SLC8A1: variants seen among roughly 807,000 people sequenced by gnomAD.
SLC8A1 encodes sodium/calcium exchanger 1.
Under a neutral mutation model 68.3 loss-of-function variants are expected in SLC8A1, and 18 were observed. That is an observed-to-expected ratio of 0.26 (90% CI 0.18 to 0.39). SLC8A1 has a LOEUF of 0.39. SLC8A1 is among the 10% of genes least tolerant of loss of function. The probability of loss-of-function intolerance (pLI) is 1.00; values close to 1 mark genes in which losing one functional copy is unlikely to be tolerated. For synonymous variants in SLC8A1, 475 were observed against 415.5 expected, an observed-to-expected ratio of 1.14 and a Z score of -1.74; for missense variants, 985 against 1,156.7, an observed-to-expected ratio of 0.85 and a Z score of 2.15.
chr2:40,268,109 A>T (rs1432812302), intron 2 of SLC8A1, among the ~76,000 whole-genome samples: 1 of 152,200 alleles, frequency 6.6e-6, no homozygotes, highest in Non-Finnish European at 1.5e-5. Context: ...AGTAATCAAA[A>T]GTTAGGAGAT....
chr2:40,292,259 T>C (rs573948453), intron 2 of SLC8A1, among the ~76,000 whole-genome samples: 43 of 152,240 alleles, frequency 2.8e-4, no homozygotes, highest in Non-Finnish European at 3.8e-4. Context: ...CTGATGCTAA[T>C]GTACACAAGA....
chr2:40,332,394 TG>T (rs2076504417), intron 2 of SLC8A1, among the ~76,000 whole-genome samples: 1 of 140,328 alleles, frequency 7.1e-6, no homozygotes, highest in Non-Finnish European at 1.5e-5. Context: ...AACAGTCAAA[TG>T]ATATCCTCTT....
At chr2:40,485,724 G>C (rs1464097821) in intron 1 of SLC8A1, among the ~76,000 whole-genome samples, 3 of 152,052 alleles carry the variant, frequency 2.0e-5, no homozygotes, top group Non-Finnish European at 4.4e-5. Flanking sequence ...CCACTTCAAA[G>C]AAATCCTCAA....
chr2:40,175,121 A>G (rs1175520742), intron 3 of SLC8A1, 140 bp downstream of exon 4: 1 of 864,794 alleles, frequency 1.2e-6, no homozygotes, highest in Non-Finnish European at 1.8e-6. Flanking sequence ...TGACCTTGAC[A>G]AAATGAGGTC....
At chr2:40,232,743 C>G (rs1309925431) in intron 2 of SLC8A1, among the ~76,000 whole-genome samples, 1 of 59,382 alleles carries the variant, frequency 1.7e-5, no homozygotes, top group South Asian at 3.9e-4. Context: ...AGTGCTATCC[C>G]TCCCCCCCCG....
chr2:40,212,445 C>G (rs1323661286), intron 2 of SLC8A1, among the ~76,000 whole-genome samples: 1 of 152,058 alleles, frequency 6.6e-6, no homozygotes, highest in Non-Finnish European at 1.5e-5. Flanking sequence ...CCACCATACC[C>G]AGCTAATTTT....
At chr2:40,328,036 T>G (rs1165662660) in intron 2 of SLC8A1, among the ~76,000 whole-genome samples, 1 of 151,792 alleles carries the variant, frequency 6.6e-6, no homozygotes, top group Non-Finnish European at 1.5e-5. Flanking sequence ...AAAAGAGAAC[T>G]AACAATACCA....
intron 2 of SLC8A1, among the ~76,000 whole-genome samples, chr2:40,339,862 C>A (rs1039468539): frequency 1.3e-5 from 2 of 152,144 alleles, no homozygotes; most frequent in African/African-American, 4.8e-5. Context: ...ATGCAGAAAA[C>A]AAATATTCAA....
At chr2:40,309,857 A>C (rs1183982430) in intron 2 of SLC8A1, among the ~76,000 whole-genome samples, 1 of 152,114 alleles carries the variant, frequency 6.6e-6, no homozygotes, top group African/African-American at 2.4e-5. Flanking sequence ...AACATGTTTA[A>C]AGTGTATAAT....
chr2:40,168,762 T>G (rs1371580987), intron 4 of SLC8A1, among the ~76,000 whole-genome samples: 1 of 152,200 alleles, frequency 6.6e-6, no homozygotes, highest in Non-Finnish European at 1.5e-5. Flanking sequence ...AGTGAGATAA[T>G]ATGCTGTGGT....
At position 40,485,570 on chromosome 2, in the gene SLC8A1, T is replaced by C. The variant is rs185525001; in HGVS notation, c.-25+26779A>G. On this transcript the variant is annotated intron_variant, in intron 1 of 7. Transcript: ENST00000402441. Reference sequence around the variant, plus strand: ...TTCTTCCTCACTCTGGTTATTTCCCTCTTTTCTGTAATTCATCTTTATTTC... The same window carrying C: ...TTCTTCCTCACTCTGGTTATTTCCCCCTTTTCTGTAATTCATCTTTATTTC... Among the ~76,000 whole-genome samples the C allele has an allele frequency of 3.2e-3, 487 of 152,356 alleles. 6 individuals are homozygous for C. The highest frequency in any genetic ancestry group is 0.011 in the African/African-American group (452 of 41,584).
At chr2:40,282,559 C>G (rs1303659944) in intron 2 of SLC8A1, among the ~76,000 whole-genome samples, 1 of 152,194 alleles carries the variant, frequency 6.6e-6, no homozygotes, top group African/African-American at 2.4e-5. Context: ...ACCTTGCTCT[C>G]AAGAGATTTC....
chr2:40,396,417 C>A (rs1243035476), intron 2 of SLC8A1, among the ~76,000 whole-genome samples: 1 of 152,006 alleles, frequency 6.6e-6, no homozygotes, highest in African/African-American at 2.4e-5. Flanking sequence ...AATTCTGCTG[C>A]CAGTAATAAT....
intron 1 of SLC8A1, among the ~76,000 whole-genome samples, chr2:40,459,621 G>C (rs886722831): frequency 2.6e-5 from 4 of 152,164 alleles, no homozygotes; most frequent in African/African-American, 9.7e-5. Context: ...CAAGAATTCT[G>C]AGTGCCTCTT....
intron 7 of SLC8A1, among the ~76,000 whole-genome samples, chr2:40,139,054 C>T (rs1374077898): frequency 6.6e-6 from 1 of 152,144 alleles, no homozygotes; most frequent in Admixed American, 6.5e-5. Context: ...AAATTTGGTT[C>T]TTAAAGCTGA....
chr2:40,468,052 T>C (rs1246032750), intron 1 of SLC8A1, among the ~76,000 whole-genome samples: 1 of 152,148 alleles, frequency 6.6e-6, no homozygotes, highest in Non-Finnish European at 1.5e-5. Context: ...CATTGAGATA[T>C]TATGATATAA....
chr2:40,458,927 ACT>A (rs1703180316), intron 1 of SLC8A1, among the ~76,000 whole-genome samples: 1 of 152,188 alleles, frequency 6.6e-6, no homozygotes, highest in Non-Finnish European at 1.5e-5. Flanking sequence ...TCATCAAGCA[ACT>A]CTTATTAAAG....
intron 2 of SLC8A1, among the ~76,000 whole-genome samples, chr2:40,206,702 T>G (rs2055520865): frequency 6.6e-6 from 1 of 152,036 alleles, no homozygotes; most frequent in African/African-American, 2.4e-5. Context: ...ATGTCAGAGA[T>G]AAAATTGGTA....
chr2:40,466,118 A>T (rs141722510), intron 1 of SLC8A1, among the ~76,000 whole-genome samples: 2 of 152,126 alleles, frequency 1.3e-5, no homozygotes, highest in Non-Finnish European at 2.9e-5. Context: ...GTATTTTTTC[A>T]TAACAGCACA....
Sources: gnomAD v4.1 joint callset for allele counts (sites outside exome capture counted in the v4.1 genomes callset) on GRCh38, gnomAD v4.1.1 for gene constraint, MANE v1.5 for transcripts, NCBI Gene and HGNC (gene_info 2026-07-23, HGNC 2026-07-21) for gene names.